Variants in PSPC1 observed in about 807,000 individuals in gnomAD.
The protein encoded by PSPC1 is paraspeckle protein 1.
In PSPC1, 14 loss-of-function variants were observed where a neutral mutation model predicts 51.6. That is an observed-to-expected ratio of 0.27 (90% CI 0.18 to 0.42). The LOEUF (loss-of-function observed/expected upper bound fraction) is 0.42, where lower values mean the gene tolerates loss of function less well. Ranked by LOEUF, PSPC1 falls within the 10% of genes least tolerant of loss-of-function variation. PSPC1 has a pLI of 1.00. For synonymous variants in PSPC1, 193 were observed against 231.9 expected, an observed-to-expected ratio of 0.83 and a Z score of 1.53; for missense variants, 406 against 701.1, an observed-to-expected ratio of 0.58 and a Z score of 4.75.
At chr13:19,730,494 T>C (rs1032407930) in intron 5 of PSPC1, 150 bp from the exon 6 acceptor site, 6 of 649,960 alleles carry the variant, frequency 9.2e-6, no homozygotes, top group Non-Finnish European at 1.6e-5. Context: ...TTACCTTCCT[T>C]CTATGTCACT....
At chr13:19,757,040 G>A (rs527626163) in intron 3 of PSPC1, among the ~76,000 whole-genome samples, 4 of 151,374 alleles carry the variant, frequency 2.6e-5, no homozygotes, top group Non-Finnish European at 2.9e-5. Context: ...TGAGGCAGGC[G>A]AATTGCTTGA....
chr13:19,690,969 C>T (rs900898918), intron 6 of PSPC1, among the ~76,000 whole-genome samples: 2 of 152,186 alleles, frequency 1.3e-5, no homozygotes, highest in Non-Finnish European at 2.9e-5. Context: ...TTGCCACTTA[C>T]TAGACTTCAA....
chr13:19,713,288 G>A (rs906751824), intron 6 of PSPC1, among the ~76,000 whole-genome samples: 1 of 151,954 alleles, frequency 6.6e-6, no homozygotes, highest in Non-Finnish European at 1.5e-5. Context: ...ACTGCAGTGC[G>A]CTAAAATAAA....
intron 1 of PSPC1, among the ~76,000 whole-genome samples, chr13:19,779,842 C>A (rs1389286168): frequency 1.8e-3 from 182 of 102,900 alleles, no homozygotes; most frequent in East Asian, 5.7e-3. Flanking sequence ...CGGCCAGCCG[C>A]CCCATCCGGG....
intron 6 of PSPC1, among the ~76,000 whole-genome samples, chr13:19,720,023 T>C (rs1163456670): frequency 1.3e-5 from 2 of 152,170 alleles, no homozygotes; most frequent in Non-Finnish European, 2.9e-5. Context: ...ATTTTCAAGA[T>C]TACCAGTTTC....
chr13:19,752,556 CCAGT>C (rs1196890790), intron 3 of PSPC1, among the ~76,000 whole-genome samples: 14 of 151,988 alleles, frequency 9.2e-5, no homozygotes, highest in African/African-American at 2.7e-4. Context: ...CACCTGGTCC[CCAGT>C]CAATTTTTTT....
chr13:19,699,202 A>T (rs971996005), downstream of PSPC1, among the ~76,000 whole-genome samples: 5 of 151,956 alleles, frequency 3.3e-5, no homozygotes, highest in African/African-American at 1.2e-4. Flanking sequence ...ATTTATTTTT[A>T]AAATTTTTTT....
At chr13:19,719,310 T>A (rs1331157115) in intron 6 of PSPC1, among the ~76,000 whole-genome samples, 6 of 152,054 alleles carry the variant, frequency 3.9e-5, no homozygotes, top group African/African-American at 1.4e-4. Context: ...TTAAAATGAA[T>A]CCTTTTGAAT....
At chr13:19,762,132 G>A (rs540637448) in intron 2 of PSPC1, among the ~76,000 whole-genome samples, 3 of 152,164 alleles carry the variant, frequency 2.0e-5, no homozygotes, top group Non-Finnish European at 2.9e-5. Context: ...TACACAGTGC[G>A]GGAGAGGAGA....
intron 3 of PSPC1, among the ~76,000 whole-genome samples, chr13:19,753,522 A>G (rs1269208216): frequency 2.0e-5 from 3 of 152,122 alleles, no homozygotes; most frequent in Non-Finnish European, 2.9e-5. Flanking sequence ...GAGCCACCAC[A>G]CCCAGCCAAC....
At chr13:19,775,993 G>C (rs1287611204) in intron 1 of PSPC1, among the ~76,000 whole-genome samples, 1 of 152,012 alleles carries the variant, frequency 6.6e-6, no homozygotes, top group Non-Finnish European at 1.5e-5. Flanking sequence ...GGAACTTGCA[G>C]TGAGCCGCGA....
At chr13:19,721,003 C>G (rs1485824237) in intron 6 of PSPC1, among the ~76,000 whole-genome samples, 1 of 146,402 alleles carries the variant, frequency 6.8e-6, no homozygotes, top group Non-Finnish European at 1.5e-5. Context: ...CTACAGCCTA[C>G]ATCTCACTAG....
chr13:19,695,778 G>C (rs144675094), intron 6 of PSPC1, among the ~76,000 whole-genome samples: 38 of 151,970 alleles, frequency 2.5e-4, no homozygotes, highest in Admixed American at 8.5e-4. Flanking sequence ...GATTTTTGTA[G>C]AGATGTAACT....
At chr13:19,690,020 A>G (rs775567960) in intron 6 of PSPC1, among the ~76,000 whole-genome samples, 3 of 152,198 alleles carry the variant, frequency 2.0e-5, no homozygotes, top group Non-Finnish European at 4.4e-5. Context: ...CTGAGTAACT[A>G]TCCACTCATA....
At chr13:19,758,424 T>G (rs1431164390) in intron 3 of PSPC1, among the ~76,000 whole-genome samples, 1 of 152,276 alleles carries the variant, frequency 6.6e-6, no homozygotes, top group Non-Finnish European at 1.5e-5. Context: ...TTTTGCAACC[T>G]CTAAGAGTTT....
chr13:19,782,214 G>A lies in PSPC1; in HGVS notation c.372+172C>T, dbSNP rs1389466115. Reference sequence around the variant, plus strand: ...CGGGACCGTGAACTCGAAACCAAAGGCGCCGAGCTGGGGAAGCGGCCAACC... The same window carrying A: ...CGGGACCGTGAACTCGAAACCAAAGACGCCGAGCTGGGGAAGCGGCCAACC... On this transcript the variant is annotated intron_variant, in intron 1 of 8. Transcript: ENST00000338910. This position sits in a 1 kb window ranked among gnomAD's most constrained non-coding sequence, Gnocchi z 4.5. Among the ~76,000 whole-genome samples the A allele has an allele frequency of 6.6e-6, 1 of 152,234 alleles. No homozygotes were observed. Among genetic ancestry groups the A allele is most frequent in the Non-Finnish European group, 1.5e-5 (1 of 68,034 alleles).
chr13:19,722,091 T>C (rs1283866909), intron 6 of PSPC1, among the ~76,000 whole-genome samples: 1 of 152,140 alleles, frequency 6.6e-6, no homozygotes, highest in Non-Finnish European at 1.5e-5. Flanking sequence ...AACTATAATA[T>C]GACAAACATA....
intron 6 of PSPC1, among the ~76,000 whole-genome samples, chr13:19,684,084 G>C (rs1315982851): frequency 6.6e-6 from 1 of 152,166 alleles, no homozygotes; most frequent in Non-Finnish European, 1.5e-5. Flanking sequence ...CAACTGTAGT[G>C]AGGCAAGCGC....
In PSPC1 at chr13:19,782,320, AG is replaced by A. The variant is rs1890063888; in HGVS notation, c.372+65del. Reference sequence around the variant, plus strand: ...AGCGTCCTAGGACGAGGCTGGCCTCAGCCCCACGACCCCGCGGCCACCCCGA... The same window carrying A: ...AGCGTCCTAGGACGAGGCTGGCCTCACCCCACGACCCCGCGGCCACCCCGA... On this transcript the variant is annotated intron_variant, in intron 1 of 8. Transcript: ENST00000338910. This position sits in a 1 kb window ranked among gnomAD's most constrained non-coding sequence, Gnocchi z 4.5. 2 of 1,510,130 alleles carry A rather than the reference AG, an allele frequency of 1.3e-6. No homozygotes were observed. Among genetic ancestry groups the A allele is most frequent in the African/African-American group, 2.9e-5 (2 of 69,714 alleles). The allele number at this position is 1,510,130 out of a possible 1,614,324, so 93.5% of individuals were successfully genotyped here.
Sources: gnomAD v4.1 joint callset for allele counts (sites outside exome capture counted in the v4.1 genomes callset) on GRCh38, gnomAD v4.1.1 for gene constraint, Gnocchi (gnomAD v3.1) non-coding constraint, MANE v1.5 for transcripts, NCBI Gene and HGNC (gene_info 2026-07-23, HGNC 2026-07-21) for gene names.